Variants in MDFIC2 observed in about 807,000 individuals in gnomAD.
MDFIC2 encodes MyoD family inhibitor domain containing 2.
intron 2 of MDFIC2, among the ~76,000 whole-genome samples, chr3:70,311,369 T>C (rs559878416): frequency 3.3e-5 from 5 of 152,168 alleles, no homozygotes; most frequent in Non-Finnish European, 7.3e-5. Flanking sequence ...GAGAACATAT[T>C]GATTTGTGTG....
intron 2 of MDFIC2, among the ~76,000 whole-genome samples, chr3:70,231,375 A>C (rs1265951525): frequency 6.6e-6 from 1 of 152,196 alleles, no homozygotes; most frequent in Non-Finnish European, 1.5e-5. Context: ...TGTCAACGCA[A>C]ACTTGCGTTT....
chr3:70,197,867 TC>T (rs138724233), intron 3 of MDFIC2, among the ~76,000 whole-genome samples: 2,158 of 152,254 alleles, frequency 0.014, 59 homozygotes, highest in African/African-American at 0.049. Context: ...ATCTTATCAA[TC>T]CTCTTTAAGA....
intron 2 of MDFIC2, among the ~76,000 whole-genome samples, chr3:70,280,412 A>T (rs1320473580): frequency 6.6e-6 from 1 of 152,058 alleles, no homozygotes; most frequent in Non-Finnish European, 1.5e-5. Context: ...TCAACCTACT[A>T]CATTTACCTT....
At chr3:70,209,866 C>A (rs1217325985) in intron 2 of MDFIC2, among the ~76,000 whole-genome samples, 1 of 152,074 alleles carries the variant, frequency 6.6e-6, no homozygotes, top group Non-Finnish European at 1.5e-5. Context: ...CAAAGCAAAA[C>A]TACCTTCTTT....
At chr3:70,285,015 T>C (rs867624560) in intron 2 of MDFIC2, among the ~76,000 whole-genome samples, 1 of 151,896 alleles carries the variant, frequency 6.6e-6, no homozygotes, top group African/African-American at 2.4e-5. Flanking sequence ...AAATTACCTA[T>C]TTTTTTATTT....
intron 2 of MDFIC2, among the ~76,000 whole-genome samples, chr3:70,212,037 T>C (rs1480867638): frequency 6.6e-6 from 1 of 152,066 alleles, no homozygotes; most frequent in Non-Finnish European, 1.5e-5. Flanking sequence ...CTTAGTTTCT[T>C]TCTTCCTACC....
chr3:70,281,518 G>A (rs1042271603), intron 2 of MDFIC2, among the ~76,000 whole-genome samples: 54 of 152,214 alleles, frequency 3.5e-4, no homozygotes, highest in Non-Finnish European at 5.4e-4. Flanking sequence ...TAATAGTAGT[G>A]GAGGTGATAA....
intron 2 of MDFIC2, among the ~76,000 whole-genome samples, chr3:70,287,316 C>T (rs1318311552): frequency 6.9e-6 from 1 of 145,096 alleles, no homozygotes; most frequent in Non-Finnish European, 1.5e-5. Flanking sequence ...TTGAGATAAT[C>T]ATGTGGTTTT....
At chr3:70,199,301 C>T (rs932296055) in intron 3 of MDFIC2, among the ~76,000 whole-genome samples, 3 of 152,100 alleles carry the variant, frequency 2.0e-5, no homozygotes, top group African/African-American at 7.2e-5. Context: ...GGTTCAATTG[C>T]TCTTGCCAAT....
rs111474258 is a variant in MDFIC2 at position 70,291,179 on chromosome 3, G to A, written c.88+20707C>T. The A allele has an allele frequency of 1.6e-4, 25 of 152,182 alleles. 1 individual carries two copies. The highest frequency in any genetic ancestry group is 5.5e-4 in the African/African-American group (23 of 41,520). 9.4% of individuals were successfully genotyped at this position (152,182 alleles called of 1,614,324 possible). ...ACATATTTGCATGTTTAACATCCAG[G>A]GCCCTGGAGCCAGACTGTCTGGGGT... On this transcript the variant is annotated intron_variant, in intron 2 of 3. Transcript: ENST00000567252.
intron 2 of MDFIC2, among the ~76,000 whole-genome samples, chr3:70,247,603 A>G (rs1211388620): frequency 6.6e-6 from 1 of 151,980 alleles, no homozygotes; most frequent in Admixed American, 6.6e-5. Context: ...TTTAATATAT[A>G]ACATTATATC....
At chr3:70,223,732 C>A (rs1243034694) in intron 2 of MDFIC2, among the ~76,000 whole-genome samples, 3 of 152,184 alleles carry the variant, frequency 2.0e-5, no homozygotes, top group Non-Finnish European at 2.9e-5. Flanking sequence ...AGGACCAGGT[C>A]AGCTCCAAGC....
intron 2 of MDFIC2, among the ~76,000 whole-genome samples, chr3:70,220,463 A>T (rs1177789396): frequency 6.6e-6 from 1 of 152,112 alleles, no homozygotes; most frequent in Non-Finnish European, 1.5e-5. Flanking sequence ...ACTTCAAGTT[A>T]TATTTTTGCT....
In MDFIC2 at chr3:70,224,129, G is replaced by A. The variant is rs535954581; in HGVS notation, c.89-17339C>T. 4.0e-4 allele frequency among the ~76,000 whole-genome samples: 61 copies of A among 152,212 alleles called. 1 individual carries two copies. The South Asian group carries it at 0.012, about 31-fold the overall frequency. On this transcript the variant is annotated intron_variant, in intron 2 of 3. Coordinates refer to ENST00000567252, the MANE Select transcript of MDFIC2 (RefSeq NM_001364677.1). ...CTGTGTGTATCTTTATCACTAACAA[G>A]CAGAGGGAAAATAATTGAATGTGGA...
At chr3:70,271,917 T>G (rs1701979240) in intron 2 of MDFIC2, 1 of 152,202 alleles carries the variant, frequency 6.6e-6, no homozygotes, top group Non-Finnish European at 1.5e-5. Flanking sequence ...GCACCTGCCA[T>G]CATGCCCAGC....
chr3:70,282,538 T>G (rs566010754), intron 2 of MDFIC2, among the ~76,000 whole-genome samples: 232 of 152,310 alleles, frequency 1.5e-3, no homozygotes, highest in African/African-American at 5.3e-3. Context: ...TTCATTCTAT[T>G]TTGTTGGCTT....
intron 2 of MDFIC2, among the ~76,000 whole-genome samples, chr3:70,256,565 G>A (rs906887490): frequency 1.3e-5 from 2 of 152,114 alleles, no homozygotes; most frequent in African/African-American, 4.8e-5. Flanking sequence ...TACAATATTG[G>A]AAAACCTATG....
chr3:70,223,810 T>C (rs913605793), intron 2 of MDFIC2, among the ~76,000 whole-genome samples: 2 of 152,144 alleles, frequency 1.3e-5, no homozygotes, highest in Non-Finnish European at 1.5e-5. Flanking sequence ...CTTTTAATGG[T>C]TTTTCTCAGA....
At chr3:70,198,758 T>C (rs1701206000) in intron 3 of MDFIC2, among the ~76,000 whole-genome samples, 1 of 152,176 alleles carries the variant, frequency 6.6e-6, no homozygotes, top group African/African-American at 2.4e-5. Flanking sequence ...ACAATACCTC[T>C]ACTGTGTACA....
Sources: gnomAD v4.1 joint callset for allele counts (sites outside exome capture counted in the v4.1 genomes callset) on GRCh38, gnomAD v4.1.1 for gene constraint, MANE v1.5 for transcripts, NCBI Gene and HGNC (gene_info 2026-07-23, HGNC 2026-07-21) for gene names.